The following TLCD4 variants were observed in gnomAD, a reference collection of about 807,000 sequenced individuals.
TLCD4 encodes TLC domain-containing protein 4.
A neutral mutation model predicts 24.2 loss-of-function variants in TLCD4; 7 were observed. The ratio of observed to expected loss-of-function variants is 0.29; its 90% CI spans 0.16 to 0.54. The LOEUF (loss-of-function observed/expected upper bound fraction) is 0.54. Ranked by LOEUF, TLCD4 falls within the 20% of genes least tolerant of loss-of-function variation. The probability of loss-of-function intolerance (pLI) is 0.95; values close to 1 mark genes in which losing one functional copy is unlikely to be tolerated. For synonymous variants in TLCD4, 103 were observed against 106.4 expected, an observed-to-expected ratio of 0.97 and a Z score of 0.20; for missense variants, 259 against 313.9, an observed-to-expected ratio of 0.82 and a Z score of 1.32.
rs1447778785 is a variant in TLCD4 at position 95,193,907 on chromosome 1, A to T, written c.*2039A>T. On this transcript the variant is annotated 3_prime_UTR_variant, in exon 7 of 7. Transcript: ENST00000370203. ...TTGCAGGAAAAGTGGCTTTAAAAAA[A>T]TTTATATAATAAAACTATTTTGGAA... 4.6e-5 allele frequency: 7 copies of T among 152,088 alleles called. No homozygotes were observed. The highest frequency in any genetic ancestry group is 4.6e-4 in the Admixed American group (7 of 15,258). The allele number at this position is 152,088 out of a possible 1,614,324, so 9.4% of individuals were successfully genotyped here.
the TLCD4 span, among the ~76,000 whole-genome samples, chr1:95,100,972 A>G: frequency 2.6e-5 from 4 of 151,230 alleles, no homozygotes; most frequent in Admixed American, 2.6e-4. Context: ...CAGTGGCGCA[A>G]TCTCAGCTCA....
intron 5 of TLCD4, among the ~76,000 whole-genome samples, chr1:95,161,722 A>G (rs534247648): frequency 6.6e-6 from 1 of 152,184 alleles, no homozygotes; most frequent in Non-Finnish European, 1.5e-5. Flanking sequence ...CATTGGTTTC[A>G]AAGAACATCT....
At chr1:95,106,936 C>A in the TLCD4 span, among the ~76,000 whole-genome samples, 1 of 152,138 alleles carries the variant, frequency 6.6e-6, no homozygotes, top group African/African-American at 2.4e-5. Context: ...TTCGATGCTT[C>A]TGACTTCTCA....
rs569826472 is a variant in TLCD4 at position 95,143,690 on chromosome 1, A to T, written c.-11-201A>T. Among the ~76,000 whole-genome samples the T allele has an allele frequency of 6.6e-5, 10 of 152,276 alleles. No homozygotes were observed. The South Asian group carries it at 2.1e-3, about 32-fold the overall frequency. On this transcript the variant is annotated intron_variant, in intron 1 of 6. Coordinates refer to ENST00000370203, the MANE Select transcript of TLCD4 (RefSeq NM_152487.3). ...CTCTAATATTGAGATCTTTAAGATAAAACAGACATAAGATACATGACAAAT... is the reference window on the plus strand; with the variant it reads ...CTCTAATATTGAGATCTTTAAGATATAACAGACATAAGATACATGACAAAT...
Position 95,192,220 on chromosome 1 carries a change from A to C in TLCD4, c.*352A>C. 5.4e-6 allele frequency: 1 copy of C among 186,608 alleles called. No homozygotes were observed. Among genetic ancestry groups the C allele is most frequent in the Non-Finnish European group, 1.1e-5 (1 of 91,584 alleles). The allele number at this position is 186,608 out of a possible 1,614,324, so 11.6% of individuals were successfully genotyped here. A position where few individuals can be genotyped will look rare whatever the true frequency, so the allele number is the denominator to read the frequency against. The stretch of plus-strand genomic sequence containing the variant: ...AGGCTGAGGCAGGAGAATCGCTTGA[A>C]CCCGAGAGACGGAGGTTGCAGTGAG... On this transcript the variant is annotated 3_prime_UTR_variant, in exon 7 of 7. Transcript: ENST00000370203.
In TLCD4 at chr1:95,146,489, C is replaced by A. The variant is rs185643154; in HGVS notation, c.156-2213C>A. 5.9e-5 allele frequency among the ~76,000 whole-genome samples: 9 copies of A among 152,112 alleles called. No individual in the cohort carries two copies. The East Asian group carries it at 1.7e-3, about 29-fold the overall frequency. Reference sequence around the variant, plus strand: ...TTGCTATTCTAAAATAGTCATTAATCATTTCCTTAGAGTGCTATCCCTTTA... The same window carrying A: ...TTGCTATTCTAAAATAGTCATTAATAATTTCCTTAGAGTGCTATCCCTTTA... On this transcript the variant is annotated intron_variant, in intron 2 of 6. Coordinates refer to ENST00000370203, the MANE Select transcript of TLCD4 (RefSeq NM_152487.3).
intron 6 of TLCD4, among the ~76,000 whole-genome samples, chr1:95,183,297 C>T (rs17409126): frequency 0.04 from 6,029 of 152,116 alleles, 126 homozygotes; most frequent in African/African-American, 0.055. Context: ...TTAGAGAATA[C>T]GGACAAGTTT....
intron 1 of TLCD4, among the ~76,000 whole-genome samples, chr1:95,130,328 AT>A (rs1676857958): frequency 6.6e-6 from 1 of 151,744 alleles, no homozygotes; most frequent in Non-Finnish European, 1.5e-5. Context: ...AATTTTTTGT[AT>A]TTTTGGTAGA....
At chr1:95,105,756 G>A in the TLCD4 span, among the ~76,000 whole-genome samples, 1 of 151,872 alleles carries the variant, frequency 6.6e-6, no homozygotes, top group Non-Finnish European at 1.5e-5. Flanking sequence ...TTAGCCAGAC[G>A]TGGTGGCGGG....
intron 3 of TLCD4, among the ~76,000 whole-genome samples, 164 bp downstream of exon 3, chr1:95,148,955 T>G (rs1161482927): frequency 6.6e-6 from 1 of 152,214 alleles, no homozygotes; most frequent in Non-Finnish European, 1.5e-5. Flanking sequence ...AATGATTTAT[T>G]TTAGATTTGA....
At chr1:95,119,122 C>G (rs115684215) in intron 1 of TLCD4, among the ~76,000 whole-genome samples, 902 of 152,262 alleles carry the variant, frequency 5.9e-3, no homozygotes, top group Non-Finnish European at 9.9e-3. Flanking sequence ...TCACTCTAAG[C>G]CTTCTTTACC....
At chr1:95,137,478 G>T (rs1483219244) in intron 1 of TLCD4, among the ~76,000 whole-genome samples, 1 of 152,098 alleles carries the variant, frequency 6.6e-6, no homozygotes, top group Non-Finnish European at 1.5e-5. Flanking sequence ...CATGGAAGTG[G>T]CACTGGTATT....
At chr1:95,106,808 G>A in the TLCD4 span, among the ~76,000 whole-genome samples, 1,441 of 152,280 alleles carry the variant, frequency 9.5e-3, 29 homozygotes, top group African/African-American at 0.033. Flanking sequence ...TTTCAAAACC[G>A]TTACTTGCTG....
At chr1:95,191,448 T>A (rs1205931846) in intron 6 of TLCD4, 102 bp from the exon 7 acceptor site, 3 of 1,415,226 alleles carry the variant, frequency 2.1e-6, no homozygotes, top group Middle Eastern at 2.2e-4. Flanking sequence ...CTAGGCCCTT[T>A]GCTCCTCCTT....
intron 6 of TLCD4, among the ~76,000 whole-genome samples, chr1:95,188,389 G>GAA (rs60956010): frequency 0.39 from 40,784 of 104,250 alleles, 8,780 homozygotes; most frequent in Middle Eastern, 0.52. Flanking sequence ...CTCCGTCTCA[G>GAA]AAAAAAAAAA....
At chr1:95,150,073 T>G in intron 3 of TLCD4, 135 bp from the exon 4 acceptor site, 1 of 1,260,416 alleles carries the variant, frequency 7.9e-7, no homozygotes, top group Non-Finnish European at 1.1e-6. Flanking sequence ...TTTTGCAATT[T>G]TATTTGAAGA....
At chr1:95,181,966 G>T (rs893746800) in intron 6 of TLCD4, among the ~76,000 whole-genome samples, 2 of 152,040 alleles carry the variant, frequency 1.3e-5, no homozygotes, top group Non-Finnish European at 2.9e-5. Flanking sequence ...TCATGTCTTG[G>T]TCATTGGGAA....
intron 5 of TLCD4, among the ~76,000 whole-genome samples, chr1:95,167,672 G>A (rs1213685068): frequency 6.6e-6 from 1 of 152,166 alleles, no homozygotes; most frequent in African/African-American, 2.4e-5. Context: ...TCTGGAATGT[G>A]TCTAGACTTG....
At chr1:95,157,314 T>C (rs1677660146) in intron 5 of TLCD4, among the ~76,000 whole-genome samples, 1 of 152,192 alleles carries the variant, frequency 6.6e-6, no homozygotes, top group African/African-American at 2.4e-5. Context: ...AAATATATAA[T>C]ATGTATATTA....
Sources: allele counts gnomAD v4.1 joint callset (sites outside exome capture counted in the v4.1 genomes callset), GRCh38; gene constraint gnomAD v4.1.1; transcripts MANE v1.5; gene names NCBI Gene and HGNC (gene_info 2026-07-23, HGNC 2026-07-21).